MFHAS1: variants seen among roughly 807,000 people sequenced by gnomAD.
MFHAS1 encodes malignant fibrous histiocytoma-amplified sequence 1.
Under a neutral mutation model 70.4 loss-of-function variants are expected in MFHAS1, and 50 were observed. The observed-to-expected ratio is 0.71, with a 90% CI of 0.57 to 0.90. MFHAS1 has a LOEUF of 0.90. Ranked by LOEUF, MFHAS1 falls within the 40% of genes least tolerant of loss-of-function variation. The pLI is 0.00. For missense variants in MFHAS1, 1,795 were observed against 1,347.6 expected (o/e 1.33, Z -5.20); for synonymous variants, 952 against 620.0 (o/e 1.54, Z -7.96).
At chr8:8,874,969 G>A (rs765690255) in intron 1 of MFHAS1, among the ~76,000 whole-genome samples, 5 of 147,294 alleles carry the variant, frequency 3.4e-5, no homozygotes, top group South Asian at 2.1e-4. Flanking sequence ...ATTCAGAAAA[G>A]AAGCAACACA....
At chr8:8,817,503 T>C (rs73184207) in intron 1 of MFHAS1, among the ~76,000 whole-genome samples, 7,824 of 152,310 alleles carry the variant, frequency 0.051, 270 homozygotes, top group Middle Eastern at 0.078. Context: ...AGAGGCCACC[T>C]ATTGCCCTGT....
intron 1 of MFHAS1, among the ~76,000 whole-genome samples, chr8:8,843,162 G>A (rs921234194): frequency 5.3e-5 from 8 of 151,664 alleles, no homozygotes; most frequent in Admixed American, 3.3e-4. Flanking sequence ...CCAGCTACTC[G>A]GGAGGCTGAG....
At chr8:8,800,459 A>T (rs1314131099) in intron 1 of MFHAS1, among the ~76,000 whole-genome samples, 2 of 152,180 alleles carry the variant, frequency 1.3e-5, no homozygotes, top group African/African-American at 4.8e-5. Flanking sequence ...ATCCAGTCCA[A>T]ACATCAACTA....
At chr8:8,869,810 C>G (rs1354215876) in intron 1 of MFHAS1, among the ~76,000 whole-genome samples, 4 of 152,156 alleles carry the variant, frequency 2.6e-5, no homozygotes, top group Non-Finnish European at 5.9e-5. Context: ...TGGGAAGGTT[C>G]AAGAGCTCAG....
intron 1 of MFHAS1, among the ~76,000 whole-genome samples, chr8:8,861,526 G>A (rs1466287086): frequency 3.3e-5 from 5 of 152,110 alleles, no homozygotes; most frequent in Non-Finnish European, 4.4e-5. Context: ...GCATGTTTCA[G>A]GACATCTAAG....
In MFHAS1 at chr8:8,891,486, C is replaced by A. The variant is rs772768467; in HGVS notation, c.1573G>T (p.Ala525Ser). The A allele has an allele frequency of 1.2e-6, 2 of 1,613,052 alleles. No individual in the cohort carries two copies. Among genetic ancestry groups the A allele is most frequent in the East Asian group, 2.2e-5 (1 of 44,868 alleles). ...TVGSFLHRVG[A>S]RVPHAVVCIV... The stretch of plus-strand genomic sequence containing the variant: ...CACACCACCGCGTGGGGCACTCTCG[C>A]CCCGACCCGATGCAAGAAGGAGCCC... Residue 525 changes from alanine to serine, a missense_variant, in exon 1 of 3, where the codon GCG (alanine) becomes TCG (serine). Physicochemically the swap from Ala to Ser is moderately conservative, Grantham distance 99 (BLOSUM62 1). Transcript: ENST00000276282. This position sits in a 1 kb window ranked among gnomAD's most constrained non-coding sequence, Gnocchi z 5.4.
At chr8:8,830,347 T>A (rs1807339206) in intron 1 of MFHAS1, among the ~76,000 whole-genome samples, 1 of 152,246 alleles carries the variant, frequency 6.6e-6, no homozygotes, top group African/African-American at 2.4e-5. Context: ...TATTATTAAG[T>A]GTCAGCCACC....
chr8:8,841,928 T>C (rs1807842424), intron 1 of MFHAS1, among the ~76,000 whole-genome samples: 1 of 152,196 alleles, frequency 6.6e-6, no homozygotes, highest in Non-Finnish European at 1.5e-5. Flanking sequence ...GGATGTGTGT[T>C]CTGCATTAGC....
Position 8,890,736 on chromosome 8 carries a change from G to C in MFHAS1, c.2323C>G (p.Pro775Ala). The C allele has an allele frequency of 6.2e-7, 1 of 1,613,732 alleles. No individual in the cohort carries two copies. The change falls in exon 1 of 3, where the codon CCC becomes GCC. Residue 775 changes from proline to alanine, a missense_variant. By Grantham distance (27) the Pro-to-Ala change is conservative. Coordinates refer to ENST00000276282, the MANE Select transcript of MFHAS1 (RefSeq NM_004225.3). ...GTGGCCCGGAGCAGTTCCTGGCTGG[G>C]GGTGGACCGCGCCATGGGCGGGGAG... ...ESSPPMARST[P>A]SQELLRATQL...
At chr8:8,853,102 C>A (rs1031651067) in intron 1 of MFHAS1, among the ~76,000 whole-genome samples, 1 of 152,054 alleles carries the variant, frequency 6.6e-6, no homozygotes, top group African/African-American at 2.4e-5. Flanking sequence ...CGACTATGCC[C>A]CTGCAGGCTC....
intron 1 of MFHAS1, among the ~76,000 whole-genome samples, chr8:8,844,301 T>A (rs1237135632): frequency 1.3e-5 from 2 of 152,212 alleles, no homozygotes; most frequent in Non-Finnish European, 2.9e-5. Context: ...TATTTCTCTT[T>A]AAAATGGGAA....
In MFHAS1 at chr8:8,784,480, G is replaced by A. The variant is rs2117234552; in HGVS notation, c.*1542C>T. The stretch of plus-strand genomic sequence containing the variant: ...ATCATAAGAAATCATTCTCTGAACT[G>A]CAGGTTCTGGAGTCAGTGAAATTAA... On this transcript the variant is annotated 3_prime_UTR_variant, in exon 3 of 3. Coordinates refer to ENST00000276282, the MANE Select transcript of MFHAS1 (RefSeq NM_004225.3). The A allele has an allele frequency of 6.6e-6, 1 of 152,296 alleles. No individual in the cohort carries two copies. The highest frequency in any genetic ancestry group is 1.9e-4 in the East Asian group (1 of 5,178). The allele number at this position is 152,296 out of a possible 1,614,324, so 9.4% of individuals were successfully genotyped here.
At chr8:8,889,014 A>G (rs1265523138) in intron 1 of MFHAS1, among the ~76,000 whole-genome samples, 1 of 132,866 alleles carries the variant, frequency 7.5e-6, no homozygotes, top group Non-Finnish European at 1.8e-5. Context: ...TGCTCTAAGA[A>G]AAAAAAAAAA....
intron 1 of MFHAS1, among the ~76,000 whole-genome samples, chr8:8,854,620 G>A (rs954565362): frequency 2.0e-5 from 3 of 150,990 alleles, no homozygotes; most frequent in South Asian, 4.2e-4. Flanking sequence ...TGGAGGTGGA[G>A]GTTGCAGTGA....
intron 1 of MFHAS1, among the ~76,000 whole-genome samples, chr8:8,887,733 C>A (rs763084821): frequency 2.6e-5 from 4 of 151,352 alleles, no homozygotes; most frequent in Non-Finnish European, 4.4e-5. Flanking sequence ...ACCAGGTGTG[C>A]CTCATTTGAA....
At chr8:8,845,883 C>CCTTTGT (rs1808013230) in intron 1 of MFHAS1, among the ~76,000 whole-genome samples, 1 of 152,106 alleles carries the variant, frequency 6.6e-6, no homozygotes, top group African/African-American at 2.4e-5. Flanking sequence ...AGGCCAAAAA[C>CCTTTGT]CTTTGTCTTT....
chr8:8,885,140 G>A (rs184360532), intron 1 of MFHAS1, among the ~76,000 whole-genome samples: 7 of 152,204 alleles, frequency 4.6e-5, no homozygotes, highest in Non-Finnish European at 7.4e-5. Flanking sequence ...AATATGCTGT[G>A]TTGTCGGAGA....
chr8:8,820,872 G>C (rs773009717), intron 1 of MFHAS1, among the ~76,000 whole-genome samples: 1 of 152,264 alleles, frequency 6.6e-6, no homozygotes, highest in Non-Finnish European at 1.5e-5. Flanking sequence ...TCTAAGTGGA[G>C]AGCCACTGGA....
chr8:8,854,420 C>T (rs577977757), intron 1 of MFHAS1, among the ~76,000 whole-genome samples: 4 of 152,234 alleles, frequency 2.6e-5, no homozygotes, highest in African/African-American at 9.6e-5. Flanking sequence ...ACTCCGGAGG[C>T]TGAGGCAGGA....
Sources: gnomAD v4.1 joint callset for allele counts (sites outside exome capture counted in the v4.1 genomes callset) on GRCh38, gnomAD v4.1.1 for gene constraint, Gnocchi (gnomAD v3.1) non-coding constraint, MANE v1.5 for transcripts, NCBI Gene and HGNC (gene_info 2026-07-23, HGNC 2026-07-21) for gene names.